The following SHROOM4 variants were observed in gnomAD, a reference collection of about 807,000 sequenced individuals.
SHROOM4 encodes shroom family member 4.
A neutral mutation model predicts 80.3 loss-of-function variants in SHROOM4; 17 were observed. The ratio of observed to expected loss-of-function variants is 0.21; its 90% CI spans 0.14 to 0.32. The LOEUF (loss-of-function observed/expected upper bound fraction) is 0.32. Among genes scored for constraint, SHROOM4 ranks in the 10% least tolerant of loss-of-function variants. The pLI, the probability that SHROOM4 is intolerant of heterozygous loss-of-function variation, is 1.00. For missense variants in SHROOM4, 993 were observed against 1,140.3 expected (o/e 0.87, Z 1.86); for synonymous variants, 400 against 437.5 (o/e 0.91, Z 1.07).
chrX:50,670,044 G>C (rs1410468402), intron 2 of SHROOM4, among the ~76,000 whole-genome samples: 1 of 111,191 alleles, frequency 9.0e-6, no homozygotes, highest in African/African-American at 3.3e-5. Context: ...AATTTACTTT[G>C]GCCACATTCA....
At chrX:50,650,701 A>G (rs932300150) in intron 2 of SHROOM4, among the ~76,000 whole-genome samples, 1 of 112,126 alleles carries the variant, frequency 8.9e-6, no homozygotes, top group Non-Finnish European at 1.9e-5. Flanking sequence ...TTCTACATGG[A>G]CATATCATTT....
intron 1 of SHROOM4, among the ~76,000 whole-genome samples, chrX:50,803,693 TC>T (rs1936172790): frequency 8.9e-6 from 1 of 112,486 alleles, no homozygotes; most frequent in African/African-American, 3.2e-5. Context: ...GCTTTTTGTT[TC>T]CTGGGCTTAT....
intron 1 of SHROOM4, among the ~76,000 whole-genome samples, chrX:50,781,255 A>G (rs1935620430): frequency 1.8e-5 from 2 of 111,745 alleles, no homozygotes; most frequent in Admixed American, 1.9e-4. Flanking sequence ...CCCAGAAATA[A>G]TGTCTTACCA....
rs782019858 is a variant in SHROOM4 at position 50,740,987 on chromosome X, C to T, written c.118-45050G>A. Among the ~76,000 whole-genome samples the T allele has an allele frequency of 1.1e-4, 12 of 111,276 alleles. No homozygotes were observed. In the South Asian group the frequency reaches 4.6e-3, roughly 42 times the overall value. ...CTGTAGATGGTGGGACATAAGTATCCAATTTCATTCTTCTGTATGTGGACA... is the reference window on the plus strand; with the variant it reads ...CTGTAGATGGTGGGACATAAGTATCTAATTTCATTCTTCTGTATGTGGACA... On this transcript the variant is annotated intron_variant, in intron 1 of 8. Transcript: ENST00000376020.
chrX:50,724,992 T>C (rs1364148501), intron 1 of SHROOM4, among the ~76,000 whole-genome samples: 1 of 111,979 alleles, frequency 8.9e-6, no homozygotes, highest in Admixed American at 9.4e-5. Flanking sequence ...TTATGGAAAG[T>C]GAAGAAATGT....
rs1557248952 is a variant in SHROOM4, at chrX:50,607,806, G to A, written c.3336C>T (p.Tyr1112=). Residue 1112 remains tyrosine (Y), a synonymous_variant, in exon 6 of 9, where the codon TAC becomes TAT. Transcript: ENST00000376020. ...PRPPPPNWEK[Y]RLFRAAQQQK... is the part of the protein sequence containing the mutation. ...GCTGCTGGGCTGCACGAAAGAGCCT[G>A]TACTTCTCCCAGTTGGGAGGAGGAG... 8.3e-7 allele frequency: 1 copy of A among 1,208,993 alleles called. No individual in the cohort carries two copies.
intron 2 of SHROOM4, among the ~76,000 whole-genome samples, chrX:50,675,758 C>CA (rs201483520): frequency 1.3e-4 from 14 of 109,221 alleles, no homozygotes; most frequent in African/African-American, 9.9e-5. Context: ...GTCTGAGAGA[C>CA]AAAAAAAAAT....
rs140168211 is a variant in SHROOM4 at position 50,747,346 on chromosome X, T to G, written c.118-51409A>C. ...CTGTCAGACGAATTAAAAGTGCTAA[T>G]TCACATAAATGCCCCTCTTCAAAAA... On this transcript the variant is annotated intron_variant, in intron 1 of 8. Coordinates refer to ENST00000376020, the MANE Select transcript of SHROOM4 (RefSeq NM_020717.5). Among the ~76,000 whole-genome samples the G allele has an allele frequency of 6.7e-3, 752 of 111,858 alleles. 5 individuals carry two copies. The highest frequency in any genetic ancestry group is 0.011 in the Non-Finnish European group (596 of 53,132).
chrX:50,752,309 T>C (rs7886648), intron 1 of SHROOM4, among the ~76,000 whole-genome samples: 2,806 of 111,831 alleles, frequency 0.025, 103 homozygotes, highest in African/African-American at 0.086. Context: ...AATGTGCCTA[T>C]TTTCTTCTTT....
chrX:50,687,267 C>CTTTT (rs1217867502), intron 2 of SHROOM4: 1 of 88,854 alleles, frequency 1.1e-5, no homozygotes, highest in African/African-American at 4.5e-5. Flanking sequence ...ATTTTGGTGT[C>CTTTT]TTTTTTTTTT....
chrX:50,655,518 T>TAAAAA (rs2147354495), intron 2 of SHROOM4, among the ~76,000 whole-genome samples: 1 of 107,050 alleles, frequency 9.3e-6, no homozygotes, highest in East Asian at 2.8e-4. Context: ...ATATATTTTT[T>TAAAAA]ATATATGAAA....
chrX:50,596,907 G>T lies in SHROOM4; in HGVS notation c.4270C>A (p.Leu1424Met). 1.7e-6 allele frequency: 2 copies of T among 1,211,487 alleles called. No individual in the cohort carries two copies. The highest frequency in any genetic ancestry group is 2.2e-6 in the Non-Finnish European group (2 of 895,444). Residue 1424 changes from leucine to methionine, a missense_variant, in exon 9 of 9, where the codon CTG becomes ATG. Leu to Met is a conservative substitution (Grantham distance 15). Transcript: ENST00000376020. ...LTGQLADAKELKEHVDRREKL... is the reference protein window; with the variant it reads ...LTGQLADAKEMKEHVDRREKL... ...TCCCGGCGGTCCACGTGCTCCTTCAGCTCCTTGGCATCTGCCAACTGCCCC... is the reference window on the plus strand; with the variant it reads ...TCCCGGCGGTCCACGTGCTCCTTCATCTCCTTGGCATCTGCCAACTGCCCC...
At chrX:50,749,797 G>C (rs1429651718) in intron 1 of SHROOM4, among the ~76,000 whole-genome samples, 1 of 111,854 alleles carries the variant, frequency 8.9e-6, no homozygotes, top group African/African-American at 3.3e-5. Context: ...TCATATTCTT[G>C]CTATGGAGAG....
At chrX:50,601,408 C>A (rs1220064171) in intron 7 of SHROOM4, among the ~76,000 whole-genome samples, 1 of 112,063 alleles carries the variant, frequency 8.9e-6, no homozygotes, top group Non-Finnish European at 1.9e-5. Flanking sequence ...GCTTCCAATT[C>A]TTCCCCTGAC....
intron 2 of SHROOM4, among the ~76,000 whole-genome samples, chrX:50,668,642 G>T (rs2147385679): frequency 8.9e-6 from 1 of 112,167 alleles, no homozygotes; most frequent in Non-Finnish European, 1.9e-5. Flanking sequence ...GACACCACAA[G>T]ATCACAGAAA....
chrX:50,585,113 C>T (rs1233863063), downstream of SHROOM4, among the ~76,000 whole-genome samples: 8 of 111,193 alleles, frequency 7.2e-5, no homozygotes, highest in Non-Finnish European at 1.1e-4. Flanking sequence ...GCAAAGCCTT[C>T]GTGAATTGTT....
intron 5 of SHROOM4, among the ~76,000 whole-genome samples, chrX:50,608,700 T>C (rs1557249244): frequency 8.9e-6 from 1 of 112,097 alleles, no homozygotes; most frequent in Admixed American, 9.5e-5. Flanking sequence ...ATGTTGAATA[T>C]TTAGAAATGT....
chrX:50,625,685 C>T (rs782298809), intron 5 of SHROOM4, among the ~76,000 whole-genome samples: 4 of 111,886 alleles, frequency 3.6e-5, no homozygotes, highest in Non-Finnish European at 7.5e-5. Context: ...CACATTCTGT[C>T]ATGGCCAGAT....
intron 2 of SHROOM4, among the ~76,000 whole-genome samples, chrX:50,692,625 C>A (rs1414502359): frequency 9.0e-6 from 1 of 111,410 alleles, no homozygotes; most frequent in African/African-American, 3.3e-5. Context: ...CACCAAATTA[C>A]CCCTCCAAGA....
Sources: gnomAD v4.1 joint callset for allele counts (sites outside exome capture counted in the v4.1 genomes callset) on GRCh38, gnomAD v4.1.1 for gene constraint, MANE v1.5 for transcripts, NCBI Gene and HGNC (gene_info 2026-07-23, HGNC 2026-07-21) for gene names.